Variants in OR51B5 observed in about 807,000 individuals in gnomAD.
OR51B5 encodes the protein olfactory receptor family 51 subfamily B member 5, also known as olfactory receptor 51B5.
For missense variants in OR51B5, 456 were observed against 374.6 expected, an observed-to-expected ratio of 1.22 and a Z score of -1.79; for synonymous variants, 186 against 144.8, an observed-to-expected ratio of 1.28 and a Z score of -2.04.
chr11:5,438,131 A>G (rs1206302607), intron 1 of OR51B5, among the ~76,000 whole-genome samples: 1 of 152,152 alleles, frequency 6.6e-6, no homozygotes. Context: ...TCATGGACAA[A>G]GAAGGAAACA....
At chr11:5,464,201 T>TC (rs1435633294) in intron 1 of OR51B5, among the ~76,000 whole-genome samples, 1 of 152,272 alleles carries the variant, frequency 6.6e-6, no homozygotes, top group Non-Finnish European at 1.5e-5. Context: ...AGTGGGTTTT[T>TC]CTATATTTGA....
At chr11:5,441,560 G>T (rs1013548927) in intron 1 of OR51B5, 1 of 1,433,784 alleles carries the variant, frequency 7.0e-7, no homozygotes, top group Admixed American at 1.8e-5. Flanking sequence ...GGTGTGTTGG[G>T]AAACTTCTTC....
intron 1 of OR51B5, among the ~76,000 whole-genome samples, chr11:5,500,893 C>G (rs746985545): frequency 6.7e-6 from 1 of 148,208 alleles, no homozygotes; most frequent in Non-Finnish European, 1.5e-5. Context: ...TATTCCTGAA[C>G]AAAGTAATTT....
chr11:5,504,440 T>C (rs1846344709), intron 1 of OR51B5, among the ~76,000 whole-genome samples: 1 of 152,162 alleles, frequency 6.6e-6, no homozygotes, highest in Admixed American at 6.6e-5. Context: ...GACTCTATCT[T>C]CTCTTCGCCA....
intron 1 of OR51B5, among the ~76,000 whole-genome samples, chr11:5,478,527 CTG>C (rs1851356098): frequency 7.4e-6 from 1 of 135,902 alleles, no homozygotes; most frequent in East Asian, 1.9e-4. Context: ...CTTTGACGAG[CTG>C]AGAGAAGAAG....
chr11:5,346,548 A>C (rs1848993849), upstream of OR51B5, among the ~76,000 whole-genome samples: 1 of 151,912 alleles, frequency 6.6e-6, no homozygotes, highest in Non-Finnish European at 1.5e-5. Context: ...GTAGAATAAG[A>C]GGTGCCTTCC....
At chr11:5,340,665 A>G (rs1206228071), downstream of OR51B5, 1 of 152,216 alleles carries the variant, frequency 6.6e-6, no homozygotes, top group Non-Finnish European at 1.5e-5. Flanking sequence ...GGCAAAAAGT[A>G]GAAGCCACTA....
intron 1 of OR51B5, among the ~76,000 whole-genome samples, chr11:5,432,752 A>C (rs1353281770): frequency 6.6e-6 from 1 of 152,228 alleles, no homozygotes; most frequent in Admixed American, 6.5e-5. Context: ...ATTGAATAAC[A>C]GGCCACAGCT....
intron 1 of OR51B5, among the ~76,000 whole-genome samples, chr11:5,421,516 TC>T (rs761938419): frequency 6.6e-6 from 1 of 152,266 alleles, no homozygotes; most frequent in Admixed American, 6.5e-5. Flanking sequence ...TAAACAGACT[TC>T]TGACTATTTC....
chr11:5,481,537 G>T (rs1851419985), intron 1 of OR51B5, among the ~76,000 whole-genome samples: 3 of 148,974 alleles, frequency 2.0e-5, no homozygotes, highest in South Asian at 2.2e-4. Flanking sequence ...GGAAATAAAG[G>T]GTATTCAAGC....
chr11:5,453,901 C>A, intron 1 of OR51B5: 5 of 1,614,232 alleles, frequency 3.1e-6, no homozygotes, highest in Non-Finnish European at 4.2e-6. Context: ...GTGCTCACCA[C>A]TGAAGTCATT....
chr11:5,438,359 C>CG (rs1487129226), intron 1 of OR51B5, among the ~76,000 whole-genome samples: 2 of 151,600 alleles, frequency 1.3e-5, no homozygotes, highest in Non-Finnish European at 2.9e-5. Flanking sequence ...AGCAACACCC[C>CG]CCCCCAGTTA....
In OR51B5 at chr11:5,352,007, G is replaced by T. The variant is rs1358430191; in HGVS notation, n.85-5097C>A. The stretch of plus-strand genomic sequence containing the variant: ...GTTCGCCTACACTGGTTTCCCTACT[G>T]TCGATCCCATGTACTCTCCCATGCT... On this transcript the variant is annotated intron_variant and non_coding_transcript_variant, in intron 1 of 4. Coordinates refer to the OR51B5 transcript ENST00000415970. 8 of 1,613,562 alleles carry T rather than the reference G, an allele frequency of 5.0e-6. No individual in the cohort carries two copies. The Admixed American group carries it at 1.0e-4, about 20-fold the overall frequency.
intron 1 of OR51B5, chr11:5,352,424 C>A: frequency 2.5e-6 from 4 of 1,596,080 alleles, no homozygotes; most frequent in South Asian, 1.1e-5. Flanking sequence ...CGTTTATTCT[C>A]TCTGCCTCAC....
At chr11:5,494,502 C>A (rs1365445235) in intron 1 of OR51B5, among the ~76,000 whole-genome samples, 2 of 152,172 alleles carry the variant, frequency 1.3e-5, no homozygotes, top group Non-Finnish European at 1.5e-5. Flanking sequence ...GAGCTGACAT[C>A]TTCTGAATAT....
chr11:5,349,327 C>T (rs781337951), intron 1 of OR51B5, among the ~76,000 whole-genome samples: 2 of 151,864 alleles, frequency 1.3e-5, no homozygotes, highest in East Asian at 1.9e-4. Flanking sequence ...ACTTGACACA[C>T]GGTAGAAATT....
At chr11:5,403,024 A>C (rs759861574) in intron 1 of OR51B5, 1 of 471,574 alleles carries the variant, frequency 2.1e-6, no homozygotes, top group Non-Finnish European at 4.4e-6. Context: ...GACACTGCCC[A>C]GGGTCTTTGG....
chr11:5,492,806 T>C (rs1451107134), intron 1 of OR51B5, among the ~76,000 whole-genome samples: 1 of 152,174 alleles, frequency 6.6e-6, no homozygotes, highest in African/African-American at 2.4e-5. Flanking sequence ...GGCTAATTTT[T>C]GTATTTTTGG....
intron 1 of OR51B5, among the ~76,000 whole-genome samples, chr11:5,364,168 C>G (rs867900628): frequency 6.6e-6 from 1 of 152,124 alleles, no homozygotes; most frequent in Non-Finnish European, 1.5e-5. Flanking sequence ...AACAAGCGAC[C>G]ACCTAAGGGC....
Sources: allele counts gnomAD v4.1 joint callset (sites outside exome capture counted in the v4.1 genomes callset), GRCh38; gene constraint gnomAD v4.1.1; transcripts MANE v1.5; gene names NCBI Gene and HGNC (gene_info 2026-07-23, HGNC 2026-07-21).